LUC7L3: variants seen among roughly 807,000 people sequenced by gnomAD.
LUC7L3 encodes LUC7 like 3 pre-mRNA splicing factor.
In LUC7L3, 6 loss-of-function variants were observed where a neutral mutation model predicts 66.8. The observed-to-expected ratio is 0.09, with a 90% CI of 0.05 to 0.18. The LOEUF (loss-of-function observed/expected upper bound fraction) is 0.18, where lower values mean the gene tolerates loss of function less well. LUC7L3 is among the 10% of genes least tolerant of loss of function. The pLI, the probability that LUC7L3 is intolerant of heterozygous loss-of-function variation, is 1.00. For synonymous variants in LUC7L3, 160 were observed against 174.7 expected (o/e 0.92, Z 0.66); for missense variants, 341 against 531.1 (o/e 0.64, Z 3.52).
intron 2 of LUC7L3, chr17:50,738,149 A>G (rs147822669): frequency 4.4e-6 from 2 of 456,236 alleles, no homozygotes; most frequent in Non-Finnish European, 8.8e-6. Context: ...AGAAGAAAAG[A>G]GGATTCTTCT....
chr17:50,752,234 G>A lies in LUC7L3; in HGVS notation c.*1573G>A. The A allele has an allele frequency of 7.8e-7, 1 of 1,284,108 alleles. No homozygotes were observed. The highest frequency in any genetic ancestry group is 1.0e-6 in the Non-Finnish European group (1 of 985,980). 79.5% of individuals were successfully genotyped at this position (1,284,108 alleles called of 1,614,324 possible). On this transcript the variant is annotated 3_prime_UTR_variant, in exon 10 of 10. Coordinates refer to ENST00000505658, the MANE Select transcript of LUC7L3 (RefSeq NM_016424.5). Reference sequence around the variant, plus strand: ...TCGAAGATTTTTGGAAGAATACTGAGAACGGCATAAAGTGAAGATCGACAT... The same window carrying A: ...TCGAAGATTTTTGGAAGAATACTGAAAACGGCATAAAGTGAAGATCGACAT...
At position 50,741,651 on chromosome 17, in the gene LUC7L3, C is replaced by T. The variant is rs1970356286; in HGVS notation, c.352-6C>T. On this transcript the variant is annotated splice_polypyrimidine_tract_variant and splice_region_variant and intron_variant, in intron 4 of 9. Coordinates refer to ENST00000505658, the MANE Select transcript of LUC7L3 (RefSeq NM_016424.5). ...TGTTGGTAATACGTTTTATTGTCTTCAATAGGCCGCTGGCCCAACAGGCAA... is the reference window on the plus strand; with the variant it reads ...TGTTGGTAATACGTTTTATTGTCTTTAATAGGCCGCTGGCCCAACAGGCAA... The T allele has an allele frequency of 1.6e-5, 26 of 1,607,468 alleles. No homozygotes were observed. Among genetic ancestry groups the T allele is most frequent in the Non-Finnish European group, 2.1e-5 (25 of 1,174,326 alleles).
At chr17:50,726,246 A>G (rs1429673188) in intron 1 of LUC7L3, among the ~76,000 whole-genome samples, 1 of 152,134 alleles carries the variant, frequency 6.6e-6, no homozygotes, top group African/African-American at 2.4e-5. Context: ...ATCTCGGCTC[A>G]CTGCAACCTC....
At chr17:50,721,518 A>G (rs770830513) in intron 1 of LUC7L3, among the ~76,000 whole-genome samples, 10 of 152,236 alleles carry the variant, frequency 6.6e-5, no homozygotes, top group Non-Finnish European at 1.3e-4. Flanking sequence ...TTACTAAAGT[A>G]TTTAATGCCT....
chr17:50,742,062 T>G (rs1970379848), intron 5 of LUC7L3, among the ~76,000 whole-genome samples: 1 of 151,646 alleles, frequency 6.6e-6, no homozygotes, highest in Non-Finnish European at 1.5e-5. Flanking sequence ...GGCAACAGAG[T>G]GAGACCTCGT....
Position 50,753,857 on chromosome 17 carries a change from T to C in LUC7L3, c.*3196T>C, listed in dbSNP as rs1476629703. The C allele has an allele frequency of 6.6e-6, 1 of 152,216 alleles. No homozygotes were observed. The highest frequency in any genetic ancestry group is 2.4e-5 in the African/African-American group (1 of 41,450). The allele number at this position is 152,216 out of a possible 1,614,324, so 9.4% of individuals were successfully genotyped here. ...ATGAAGTATAATAAATGAGTTCATATGAAAAGGCTTCCTCTATGGACACTT... is the reference window on the plus strand; with the variant it reads ...ATGAAGTATAATAAATGAGTTCATACGAAAAGGCTTCCTCTATGGACACTT... On this transcript the variant is annotated 3_prime_UTR_variant, in exon 10 of 10. Coordinates refer to ENST00000505658, the MANE Select transcript of LUC7L3 (RefSeq NM_016424.5).
chr17:50,750,983 G>C lies in LUC7L3; in HGVS notation c.*322G>C, dbSNP rs1207646681. 1.4e-6 allele frequency: 2 copies of C among 1,419,490 alleles called. No individual in the cohort carries two copies. Among genetic ancestry groups the C allele is most frequent in the African/African-American group, 3.0e-5 (2 of 66,154 alleles). The allele number at this position is 1,419,490 out of a possible 1,614,324, so 87.9% of individuals were successfully genotyped here. ...TAATTATCCTTTTTTTAGGGATTTT[G>C]ATGTCATTTCTTTTTTTTTTTTAAT... On this transcript the variant is annotated 3_prime_UTR_variant, in exon 10 of 10. Transcript: ENST00000505658.
intron 7 of LUC7L3, 114 bp downstream of exon 7, chr17:50,744,927 T>C (rs1407070415): frequency 3.0e-5 from 24 of 788,960 alleles, no homozygotes; most frequent in Non-Finnish European, 2.6e-5. Context: ...TTCTCATGCC[T>C]CAGCCTCCTG....
intron 1 of LUC7L3, among the ~76,000 whole-genome samples, chr17:50,735,092 T>C (rs1385998185): frequency 6.6e-6 from 1 of 151,902 alleles, no homozygotes; most frequent in Non-Finnish European, 1.5e-5. Context: ...TGGCCGGGTG[T>C]GGTGGCGCAT....
At position 50,754,423 on chromosome 17, in the gene LUC7L3, ATAAT is replaced by A. The variant is rs943364269; in HGVS notation, c.*3764_*3767del. 3.3e-5 allele frequency: 5 copies of A among 152,206 alleles called. No individual in the cohort carries two copies. Among genetic ancestry groups the A allele is most frequent in the Non-Finnish European group, 5.9e-5 (4 of 68,038 alleles). The allele number at this position is 152,206 out of a possible 1,614,324, so 9.4% of individuals were successfully genotyped here. Reference sequence around the variant, plus strand: ...CTCAGACACACCATTTAATCTGTAAATAATTCAGCATGTATCTCTAAAAGACAAA... The same window carrying A: ...CTCAGACACACCATTTAATCTGTAAATCAGCATGTATCTCTAAAAGACAAA... On this transcript the variant is annotated 3_prime_UTR_variant, in exon 10 of 10. Coordinates refer to ENST00000505658, the MANE Select transcript of LUC7L3 (RefSeq NM_016424.5).
chr17:50,750,803 A>G lies in LUC7L3; in HGVS notation c.*142A>G, dbSNP rs779588725. On this transcript the variant is annotated 3_prime_UTR_variant, in exon 10 of 10. Transcript: ENST00000505658. ...ACTAAGCCGAGTAAGAAGACATACAAAAGCCTCTTCTGAAGGAAAAGACAG... is the reference window on the plus strand; with the variant it reads ...ACTAAGCCGAGTAAGAAGACATACAGAAGCCTCTTCTGAAGGAAAAGACAG... 6.4e-7 allele frequency: 1 copy of G among 1,559,678 alleles called. No homozygotes were observed. Among genetic ancestry groups the G allele is most frequent in the South Asian group, 1.2e-5 (1 of 86,070 alleles).
At chr17:50,748,342 A>C (rs1158576790) in intron 9 of LUC7L3, 1 of 151,908 alleles carries the variant, frequency 6.6e-6, no homozygotes, top group Non-Finnish European at 1.5e-5. Flanking sequence ...TTTTCCAGAC[A>C]GGGTCTCAGT....
intron 2 of LUC7L3, among the ~76,000 whole-genome samples, chr17:50,738,773 A>AG (rs1338413732): frequency 6.6e-6 from 1 of 152,226 alleles, no homozygotes; most frequent in Non-Finnish European, 1.5e-5. Context: ...GAATTGCTTA[A>AG]GAAAAAAAAT....
intron 1 of LUC7L3, among the ~76,000 whole-genome samples, chr17:50,730,079 G>C (rs549125542): frequency 1.3e-5 from 2 of 151,296 alleles, no homozygotes; most frequent in African/African-American, 4.9e-5. Flanking sequence ...GCTTGAGCAG[G>C]CTCCTCCCAT....
chr17:50,721,868 A>G (rs1180353286), intron 1 of LUC7L3, among the ~76,000 whole-genome samples: 1 of 151,036 alleles, frequency 6.6e-6, no homozygotes, highest in Non-Finnish European at 1.5e-5. Context: ...CCATACTTGC[A>G]TTAAATGGAA....
intron 1 of LUC7L3, chr17:50,723,540 A>G (rs1968936060): frequency 6.6e-6 from 1 of 152,538 alleles, no homozygotes; most frequent in African/African-American, 2.4e-5. Flanking sequence ...GCATGATGGC[A>G]TCTATTAATA....
chr17:50,739,197 A>G (rs1015126745), intron 2 of LUC7L3, among the ~76,000 whole-genome samples: 1 of 152,194 alleles, frequency 6.6e-6, no homozygotes, highest in African/African-American at 2.4e-5. Flanking sequence ...ATTCATCAGG[A>G]CAATAATTCT....
chr17:50,729,297 C>T (rs1461494342), intron 1 of LUC7L3, among the ~76,000 whole-genome samples: 1 of 152,182 alleles, frequency 6.6e-6, no homozygotes, highest in Non-Finnish European at 1.5e-5. Flanking sequence ...TTGTCAGAAG[C>T]ACCTCCTACC....
chr17:50,746,796 A>C, intron 9 of LUC7L3, 94 bp downstream of exon 9: 24 of 1,042,704 alleles, frequency 2.3e-5, no homozygotes, highest in Non-Finnish European at 3.3e-5. Flanking sequence ...GATCCATTTC[A>C]TACATACTCC....
Sources: allele counts gnomAD v4.1 joint callset (sites outside exome capture counted in the v4.1 genomes callset), GRCh38; gene constraint gnomAD v4.1.1; transcripts MANE v1.5; gene names NCBI Gene and HGNC (gene_info 2026-07-23, HGNC 2026-07-21).